LINC00305: variants seen among roughly 807,000 people sequenced by gnomAD.
LINC00305 encodes long intergenic non-protein coding RNA 305.
intron 3 of LINC00305, among the ~76,000 whole-genome samples, chr18:64,085,068 A>T (rs73469861): frequency 6.6e-6 from 1 of 152,284 alleles, no homozygotes; most frequent in Middle Eastern, 3.4e-3. Context: ...TGTGCATTCG[A>T]GGAGAGTTGA....
chr18:64,142,765 C>T (rs1213642330), intron 1 of LINC00305, among the ~76,000 whole-genome samples: 1 of 151,960 alleles, frequency 6.6e-6, no homozygotes, highest in East Asian at 1.9e-4. Flanking sequence ...GTATATAACC[C>T]CAGGAACCTT....
intron 1 of LINC00305, among the ~76,000 whole-genome samples, chr18:64,114,278 A>G (rs2051328088): frequency 6.6e-6 from 1 of 152,186 alleles, no homozygotes; most frequent in African/African-American, 2.4e-5. Flanking sequence ...AGGGTTCTAA[A>G]GTGCAAACTT....
chr18:64,132,670 A>T (rs1254828010), intron 1 of LINC00305, among the ~76,000 whole-genome samples: 1 of 152,136 alleles, frequency 6.6e-6, no homozygotes, highest in African/African-American at 2.4e-5. Context: ...ATAGTGTATG[A>T]GTTTAGCCAC....
intron 3 of LINC00305, among the ~76,000 whole-genome samples, chr18:64,092,011 G>A (rs117797993): frequency 0.028 from 4,327 of 152,282 alleles, 83 homozygotes; most frequent in Non-Finnish European, 0.044. Flanking sequence ...GTGCACTGAG[G>A]TATGAGAATA....
At chr18:64,094,398 G>T (rs2051236884) in intron 3 of LINC00305, among the ~76,000 whole-genome samples, 1 of 152,068 alleles carries the variant, frequency 6.6e-6, no homozygotes, top group Non-Finnish European at 1.5e-5. Flanking sequence ...GAGGGGTGAG[G>T]GTCGACTGTG....
chr18:64,132,549 C>T (rs894076789), intron 1 of LINC00305, among the ~76,000 whole-genome samples: 1 of 152,146 alleles, frequency 6.6e-6, no homozygotes, highest in Non-Finnish European at 1.5e-5. Flanking sequence ...ATTGTATTCA[C>T]CCTTTATAAG....
chr18:64,086,721 C>A (rs2051205016), intron 3 of LINC00305, among the ~76,000 whole-genome samples: 2 of 152,200 alleles, frequency 1.3e-5, no homozygotes, highest in Non-Finnish European at 2.9e-5. Context: ...CCAAACTATT[C>A]TTGCTTGGAT....
intron 1 of LINC00305, among the ~76,000 whole-genome samples, chr18:64,109,795 T>C (rs868326267): frequency 1.3e-5 from 2 of 152,320 alleles, no homozygotes; most frequent in Middle Eastern, 3.4e-3. Context: ...CCGTTGGACA[T>C]GGAAGAGGAT....
chr18:64,103,209 T>A (rs2051274809), intron 1 of LINC00305, among the ~76,000 whole-genome samples: 1 of 152,246 alleles, frequency 6.6e-6, no homozygotes, highest in South Asian at 2.1e-4. Flanking sequence ...TCTGCCATTT[T>A]CCCTGCTCCA....
chr18:64,145,316 C>T (rs536440594), intron 1 of LINC00305, among the ~76,000 whole-genome samples: 1 of 152,248 alleles, frequency 6.6e-6, no homozygotes, highest in East Asian at 1.9e-4. Flanking sequence ...TACTTCATCC[C>T]CATGTGACCA....
In LINC00305 at chr18:64,126,942, T is replaced by C. The variant is rs552939109; in HGVS notation, n.314+21833A>G. On this transcript the variant is annotated intron_variant and non_coding_transcript_variant, in intron 1 of 3. Coordinates refer to ENST00000666468, the Ensembl canonical transcript of LINC00305. ...TATTTCAGACATTAAGCACTTTTGA[T>C]TGCAGGAAAATTTTTTTCCAACTTT... Among the ~76,000 whole-genome samples the C allele has an allele frequency of 7.9e-5, 12 of 152,260 alleles. No individual in the cohort carries two copies. In the South Asian group the frequency reaches 2.5e-3, roughly 32 times the overall value.
At chr18:64,081,155 A>G (rs1436852128) in intron 3 of LINC00305, among the ~76,000 whole-genome samples, 1 of 152,224 alleles carries the variant, frequency 6.6e-6, no homozygotes, top group Admixed American at 6.5e-5. Context: ...CTATTTTTTT[A>G]TAAACTTCAA....
chr18:64,101,279 T>C (rs1321151302), intron 1 of LINC00305, among the ~76,000 whole-genome samples: 2 of 152,160 alleles, frequency 1.3e-5, no homozygotes, highest in South Asian at 2.1e-4. Context: ...AAGATAACAG[T>C]GCTCATATGG....
rs77649653 is a variant in LINC00305, at chr18:64,083,142, C to T, written n.541-2740G>A. Among the ~76,000 whole-genome samples the T allele has an allele frequency of 3.6e-4, 55 of 152,006 alleles. No homozygotes were observed. In the East Asian group the frequency reaches 0.01, roughly 28 times the overall value. Reference sequence around the variant, plus strand: ...ATTTTCTTTTTGTATTTTTTACTCCCCTCCCCTTTAATAAATATTTTAAAA... The same window carrying T: ...ATTTTCTTTTTGTATTTTTTACTCCTCTCCCCTTTAATAAATATTTTAAAA... On this transcript the variant is annotated intron_variant and non_coding_transcript_variant, in intron 3 of 3. Transcript: ENST00000666468.
At chr18:64,143,854 A>ACATACATACATATATGTATACATG (rs986508236) in intron 1 of LINC00305, among the ~76,000 whole-genome samples, 3 of 152,044 alleles carry the variant, frequency 2.0e-5, no homozygotes, top group African/African-American at 7.2e-5. Context: ...ATACATACAT[A>ACATACATACATATATGTATACATG]CATACATACA....
intron 1 of LINC00305, among the ~76,000 whole-genome samples, chr18:64,140,692 C>T (rs1025005466): frequency 1.3e-5 from 2 of 152,066 alleles, no homozygotes; most frequent in East Asian, 1.9e-4. Context: ...GTGTTACTGC[C>T]GTGGTTATGT....
At chr18:64,123,480 C>T (rs979358578) in intron 1 of LINC00305, among the ~76,000 whole-genome samples, 6 of 152,080 alleles carry the variant, frequency 3.9e-5, no homozygotes, top group Admixed American at 2.0e-4. Flanking sequence ...TGAAAATGCC[C>T]AGTCTTTTTT....
At chr18:64,114,634 T>C (rs2051329786) in intron 1 of LINC00305, among the ~76,000 whole-genome samples, 1 of 152,200 alleles carries the variant, frequency 6.6e-6, no homozygotes, top group Admixed American at 6.5e-5. Context: ...CTTCAACCTC[T>C]GCCTCCTGGG....
intron 1 of LINC00305, among the ~76,000 whole-genome samples, chr18:64,101,777 A>G (rs1421908329): frequency 6.6e-6 from 1 of 152,202 alleles, no homozygotes; most frequent in East Asian, 1.9e-4. Flanking sequence ...CAGCAGCCTC[A>G]CAGAAAAGCA....
Sources: gnomAD v4.1 joint callset for allele counts (sites outside exome capture counted in the v4.1 genomes callset) on GRCh38, gnomAD v4.1.1 for gene constraint, MANE v1.5 for transcripts, NCBI Gene and HGNC (gene_info 2026-07-23, HGNC 2026-07-21) for gene names.